ROBO1: variants seen among roughly 807,000 people sequenced by gnomAD.
ROBO1 encodes the protein roundabout homolog 1.
A neutral mutation model predicts 195.9 loss-of-function variants in ROBO1; 149 were observed. That is an observed-to-expected ratio of 0.76 (90% CI 0.67 to 0.87). ROBO1 has a LOEUF of 0.87. Among genes scored for constraint, ROBO1 ranks in the 40% least tolerant of loss-of-function variants. The pLI is 0.00. For synonymous variants in ROBO1, 816 were observed against 733.2 expected (o/e 1.11, Z -1.82); for missense variants, 1,933 against 2,068.3 (o/e 0.93, Z 1.27).
At chr3:78,646,812 T>C (rs1575835509) in intron 20 of ROBO1, among the ~76,000 whole-genome samples, 4 of 152,006 alleles carry the variant, frequency 2.6e-5, no homozygotes, top group Admixed American at 2.6e-4. Flanking sequence ...AAATATATTA[T>C]AATGCTCTTG....
chr3:79,702,569 T>C (rs1370829046), intron 1 of ROBO1, among the ~76,000 whole-genome samples: 1 of 151,908 alleles, frequency 6.6e-6, no homozygotes. Context: ...GGCATTGGTA[T>C]TGATTATTCA....
intron 4 of ROBO1, among the ~76,000 whole-genome samples, chr3:78,925,832 C>A (rs1024212433): frequency 1.1e-4 from 17 of 151,438 alleles, no homozygotes; most frequent in Admixed American, 3.3e-4. Flanking sequence ...GAAAAAGAGC[C>A]CAGGTGGAAG....
At chr3:78,767,816 T>C (rs1185068353) in intron 4 of ROBO1, among the ~76,000 whole-genome samples, 8 of 152,192 alleles carry the variant, frequency 5.3e-5, no homozygotes, top group Non-Finnish European at 7.3e-5. Flanking sequence ...TTTCTTTCTT[T>C]TTTTTCTTGG....
chr3:79,627,652 G>A (rs1021798917), intron 1 of ROBO1, among the ~76,000 whole-genome samples: 1 of 152,090 alleles, frequency 6.6e-6, no homozygotes, highest in African/African-American at 2.4e-5. Flanking sequence ...TAACAAATGG[G>A]ATCTAATTAA....
intron 4 of ROBO1, among the ~76,000 whole-genome samples, chr3:78,903,756 T>C (rs2037727972): frequency 6.6e-6 from 1 of 152,168 alleles, no homozygotes; most frequent in Non-Finnish European, 1.5e-5. Context: ...AAATTTATTT[T>C]CAAATAAACC....
chr3:79,021,099 A>C (rs2078091997), intron 3 of ROBO1, among the ~76,000 whole-genome samples: 1 of 152,206 alleles, frequency 6.6e-6, no homozygotes, highest in Non-Finnish European at 1.5e-5. Flanking sequence ...AAGATAGTCT[A>C]ATCCTGAGAA....
At chr3:79,380,356 T>C (rs1348341501) in intron 2 of ROBO1, among the ~76,000 whole-genome samples, 1 of 152,114 alleles carries the variant, frequency 6.6e-6, no homozygotes, top group African/African-American at 2.4e-5. Context: ...TCCTCCCAAT[T>C]TGCAAATGTA....
At chr3:79,068,979 T>C (rs923473825) in intron 3 of ROBO1, among the ~76,000 whole-genome samples, 1 of 151,902 alleles carries the variant, frequency 6.6e-6, no homozygotes, top group Non-Finnish European at 1.5e-5. Context: ...ACTTTTCTTT[T>C]AGATTCTTTT....
At chr3:79,419,274 C>A (rs1198420213) in intron 2 of ROBO1, among the ~76,000 whole-genome samples, 1 of 152,024 alleles carries the variant, frequency 6.6e-6, no homozygotes, top group African/African-American at 2.4e-5. Flanking sequence ...CTTAATTAGA[C>A]AAAGAAGATG....
At chr3:79,282,693 T>C (rs899909899) in intron 2 of ROBO1, among the ~76,000 whole-genome samples, 2 of 152,192 alleles carry the variant, frequency 1.3e-5, no homozygotes, top group Non-Finnish European at 2.9e-5. Flanking sequence ...ATTTTACGCA[T>C]GTTGAGTTCT....
intron 4 of ROBO1, among the ~76,000 whole-genome samples, chr3:78,888,904 A>AC (rs2036722199): frequency 6.6e-6 from 1 of 152,164 alleles, no homozygotes; most frequent in African/African-American, 2.4e-5. Flanking sequence ...CTAACTGTTC[A>AC]CCTTTGGTTG....
At chr3:79,467,479 G>A in intron 2 of ROBO1, among the ~76,000 whole-genome samples, 1 of 151,352 alleles carries the variant, frequency 6.6e-6, no homozygotes, top group Non-Finnish European at 1.5e-5. Flanking sequence ...AAGCAGAAGA[G>A]CAAAGGAACA....
intron 3 of ROBO1, among the ~76,000 whole-genome samples, chr3:79,103,751 CAT>C: frequency 6.6e-6 from 1 of 151,564 alleles, no homozygotes; most frequent in East Asian, 1.9e-4. Flanking sequence ...AACATATATA[CAT>C]ATATATGCTA....
At chr3:78,678,616 C>T (rs1708587543) in intron 10 of ROBO1, among the ~76,000 whole-genome samples, 1 of 152,086 alleles carries the variant, frequency 6.6e-6, no homozygotes. Flanking sequence ...TCTCCCAAGA[C>T]TAAACCAGGA....
intron 3 of ROBO1, among the ~76,000 whole-genome samples, chr3:78,940,570 A>C (rs1425648559): frequency 6.6e-6 from 1 of 152,192 alleles, no homozygotes; most frequent in East Asian, 1.9e-4. Context: ...AACATGATTT[A>C]TGCCTGCCAC....
chr3:79,675,746 T>C (rs758106134), intron 1 of ROBO1, among the ~76,000 whole-genome samples: 32 of 152,078 alleles, frequency 2.1e-4, no homozygotes, highest in Non-Finnish European at 4.4e-5. Context: ...TATCAATCCA[T>C]AAAATATTTA....
At chr3:79,465,886 G>T (rs1288434709) in intron 2 of ROBO1, among the ~76,000 whole-genome samples, 1 of 151,844 alleles carries the variant, frequency 6.6e-6, no homozygotes, top group Non-Finnish European at 1.5e-5. Flanking sequence ...ATTTCCCTCA[G>T]AAAATTATCG....
At chr3:79,582,496 T>G (rs1943693056) in intron 2 of ROBO1, among the ~76,000 whole-genome samples, 1 of 151,990 alleles carries the variant, frequency 6.6e-6, no homozygotes, top group African/African-American at 2.4e-5. Context: ...ACACCAAGAT[T>G]GACTATCTCA....
intron 2 of ROBO1, among the ~76,000 whole-genome samples, chr3:79,550,037 A>T (rs764421692): frequency 2.6e-5 from 4 of 151,764 alleles, no homozygotes; most frequent in African/African-American, 4.9e-5. Context: ...AGGCAGGAGG[A>T]TCACTTAAGC....
Sources: allele counts gnomAD v4.1 joint callset (sites outside exome capture counted in the v4.1 genomes callset), GRCh38; gene constraint gnomAD v4.1.1; transcripts MANE v1.5; gene names NCBI Gene and HGNC (gene_info 2026-07-23, HGNC 2026-07-21).